Variants in ZBTB20 observed in about 807,000 individuals in gnomAD.
ZBTB20 encodes the protein zinc finger and BTB domain containing 20, also known as zinc finger and BTB domain-containing protein 20.
Under a neutral mutation model 56.9 loss-of-function variants are expected in ZBTB20, and 9 were observed. The observed-to-expected ratio is 0.16, with a 90% CI of 0.10 to 0.28. The LOEUF (loss-of-function observed/expected upper bound fraction) is 0.28. Among genes scored for constraint, ZBTB20 ranks in the 10% least tolerant of loss-of-function variants. The probability of loss-of-function intolerance (pLI) is 1.00; values close to 1 mark genes in which losing one functional copy is unlikely to be tolerated. For missense variants in ZBTB20, 655 were observed against 1,003.0 expected (o/e 0.65, Z 4.69); for synonymous variants, 417 against 420.7 (o/e 0.99, Z 0.11).
Position 114,661,481 on chromosome 3 carries a change from T to G in ZBTB20, c.-295+32047A>C, listed in dbSNP as rs116730511. On this transcript the variant is annotated intron_variant, in intron 6 of 11. Transcript: ENST00000675478. ...AAGTTAGATTTCTCATTCATTATTT[T>G]CAAGCTGGATTTTGCATAATCTTCC... is the stretch of plus-strand genomic sequence containing the variant. Among the ~76,000 whole-genome samples the G allele has an allele frequency of 4.3e-3, 657 of 152,304 alleles. 4 individuals are homozygous for G. The highest frequency in any genetic ancestry group is 0.015 in the African/African-American group (618 of 41,578).
At chr3:114,476,469 A>G (rs1424972334) in intron 7 of ZBTB20, among the ~76,000 whole-genome samples, 1 of 152,256 alleles carries the variant, frequency 6.6e-6, no homozygotes, top group Non-Finnish European at 1.5e-5. Flanking sequence ...AAGAAAAAAT[A>G]TATTTCTCAC....
chr3:114,850,628 AG>A (rs2074953454), intron 4 of ZBTB20, among the ~76,000 whole-genome samples: 1 of 152,258 alleles, frequency 6.6e-6, no homozygotes, highest in African/African-American at 2.4e-5. Flanking sequence ...ATGTAAATAA[AG>A]GGGCTAAAAT....
intron 1 of ZBTB20, among the ~76,000 whole-genome samples, chr3:115,143,732 T>C (rs2084885141): frequency 6.6e-6 from 1 of 152,126 alleles, no homozygotes; most frequent in Admixed American, 6.5e-5. Context: ...ATTAAAATCA[T>C]GAAAAAAATC....
intron 5 of ZBTB20, among the ~76,000 whole-genome samples, chr3:114,796,758 G>A (rs2071364971): frequency 6.6e-6 from 1 of 151,894 alleles, no homozygotes; most frequent in Non-Finnish European, 1.5e-5. Flanking sequence ...TGGTTTTTAA[G>A]TAGAAGAATA....
At chr3:114,656,006 C>T (rs1236718848) in intron 6 of ZBTB20, among the ~76,000 whole-genome samples, 2 of 152,178 alleles carry the variant, frequency 1.3e-5, no homozygotes, top group African/African-American at 4.8e-5. Context: ...GCCTTTCACA[C>T]TACTTATAGG....
chr3:114,495,684 T>G (rs1186048963), intron 7 of ZBTB20, among the ~76,000 whole-genome samples: 2 of 151,764 alleles, frequency 1.3e-5, no homozygotes, highest in Non-Finnish European at 2.9e-5. Flanking sequence ...ATTCTCTGAA[T>G]GAGTCAAAAG....
At chr3:114,801,711 T>G (rs1438077463) in intron 4 of ZBTB20, among the ~76,000 whole-genome samples, 1 of 151,814 alleles carries the variant, frequency 6.6e-6, no homozygotes, top group African/African-American at 2.4e-5. Context: ...TAAATAAACA[T>G]ATTTAACAAC....
At chr3:114,536,975 T>C (rs901791187) in intron 6 of ZBTB20, among the ~76,000 whole-genome samples, 6 of 152,126 alleles carry the variant, frequency 3.9e-5, no homozygotes, top group Non-Finnish European at 5.9e-5. Flanking sequence ...TTACACCTTA[T>C]ACAAAAATTA....
chr3:114,729,956 A>ATTTT (rs1229757252), intron 5 of ZBTB20, among the ~76,000 whole-genome samples: 29 of 119,438 alleles, frequency 2.4e-4, no homozygotes, highest in African/African-American at 3.9e-4. Flanking sequence ...CATCCGGCTA[A>ATTTT]TTTTTTTTTT....
intron 3 of ZBTB20, among the ~76,000 whole-genome samples, chr3:114,966,471 TATTCA>T (rs1325074249): frequency 9.9e-5 from 15 of 152,156 alleles, no homozygotes; most frequent in Non-Finnish European, 4.4e-5. Flanking sequence ...ATGTGCTAGG[TATTCA>T]ATTCATCAAT....
chr3:114,655,779 A>G (rs540128332), intron 6 of ZBTB20, among the ~76,000 whole-genome samples: 51 of 152,246 alleles, frequency 3.3e-4, no homozygotes, highest in Non-Finnish European at 5.6e-4. Context: ...ACTTTGTAGT[A>G]TTTTTACATA....
chr3:114,591,204 C>A (rs1437164380), intron 6 of ZBTB20, among the ~76,000 whole-genome samples: 1 of 152,084 alleles, frequency 6.6e-6, no homozygotes, highest in East Asian at 1.9e-4. Context: ...TGTTTGTATT[C>A]AGTATTATCT....
intron 5 of ZBTB20, among the ~76,000 whole-genome samples, chr3:114,751,697 T>C (rs983768955): frequency 6.6e-6 from 1 of 152,118 alleles, no homozygotes; most frequent in Non-Finnish European, 1.5e-5. Flanking sequence ...CAAACCAAGT[T>C]AATCACAAAT....
intron 5 of ZBTB20, among the ~76,000 whole-genome samples, chr3:114,786,491 A>G (rs1206103307): frequency 2.0e-5 from 3 of 152,174 alleles, no homozygotes; most frequent in East Asian, 3.8e-4. Context: ...AAAAAAAGGA[A>G]TTTCAGAAAA....
At chr3:114,748,278 G>A (rs572802005) in intron 5 of ZBTB20, among the ~76,000 whole-genome samples, 54 of 130,778 alleles carry the variant, frequency 4.1e-4, no homozygotes, top group South Asian at 1.3e-3. Context: ...TTTTGTTGTA[G>A]CTTCTTTCTT....
intron 7 of ZBTB20, among the ~76,000 whole-genome samples, chr3:114,499,834 T>C (rs147872260): frequency 4.2e-4 from 64 of 152,336 alleles, no homozygotes; most frequent in African/African-American, 1.3e-3. Context: ...TTTTCCCCTG[T>C]AGACTTCATA....
At chr3:115,006,373 T>C (rs1175040010) in intron 2 of ZBTB20, among the ~76,000 whole-genome samples, 1 of 151,646 alleles carries the variant, frequency 6.6e-6, no homozygotes, top group Admixed American at 6.6e-5. Flanking sequence ...ACTGAATAAA[T>C]ATTTGCTGGA....
chr3:114,859,762 A>G (rs1414409458), intron 4 of ZBTB20, among the ~76,000 whole-genome samples: 2 of 152,144 alleles, frequency 1.3e-5, no homozygotes, highest in African/African-American at 4.8e-5. Flanking sequence ...AAAGGCACAG[A>G]GCAAACGACA....
At chr3:114,577,737 T>C (rs563968311) in intron 6 of ZBTB20, among the ~76,000 whole-genome samples, 20 of 152,288 alleles carry the variant, frequency 1.3e-4, no homozygotes, top group South Asian at 2.1e-4. Flanking sequence ...AAACAGCTTA[T>C]ATAGGGCTGC....
Sources: gnomAD v4.1 joint callset for allele counts (sites outside exome capture counted in the v4.1 genomes callset) on GRCh38, gnomAD v4.1.1 for gene constraint, MANE v1.5 for transcripts, NCBI Gene and HGNC (gene_info 2026-07-23, HGNC 2026-07-21) for gene names.